The following SMO variants were observed in gnomAD, a reference collection of about 807,000 sequenced individuals.
SMO encodes the protein smoothened, frizzled class receptor, also known as protein smoothened.
A neutral mutation model predicts 81.6 loss-of-function variants in SMO; 40 were observed. The ratio of observed to expected loss-of-function variants is 0.49; its 90% CI spans 0.38 to 0.64. SMO has a LOEUF of 0.64. Among genes scored for constraint, SMO ranks in the 30% least tolerant of loss-of-function variants. The pLI, the probability that SMO is intolerant of heterozygous loss-of-function variation, is 0.00. For missense variants in SMO, 916 were observed against 1,061.1 expected (o/e 0.86, Z 1.90); for synonymous variants, 434 against 432.1 (o/e 1.00, Z -0.05).
chr7:129,200,182 C>T (rs1793647655), intron 1 of SMO, among the ~76,000 whole-genome samples: 1 of 152,146 alleles, frequency 6.6e-6, no homozygotes, highest in Non-Finnish European at 1.5e-5. Context: ...CTTTGGGAGA[C>T]CGAGGCGGGT....
rs2150655579 is a variant in SMO at position 129,211,668 on chromosome 7, G to A, written c.1834G>A (p.Ala612Thr). 6.2e-7 allele frequency: 1 copy of A among 1,613,440 alleles called. No individual in the cohort carries two copies. The highest frequency in any genetic ancestry group is 8.5e-7 in the Non-Finnish European group (1 of 1,180,008). The change falls in exon 11 of 12, where the codon GCT becomes ACT. Residue 612 changes from alanine (A) to threonine (T), a missense_variant. Physicochemically the swap from Ala to Thr is moderately conservative, Grantham distance 58. Coordinates refer to ENST00000249373, the MANE Select transcript of SMO (RefSeq NM_005631.5). The surrounding 1 kb of genome is among the most constrained non-coding windows in gnomAD (Gnocchi z 4.6). ...GLAFDLNEPS[A>T]DVSSAWAQHV... ...GGCCTTTGACCTCAATGAGCCCTCA[G>A]CTGATGTCTCCTCTGCCTGGGCCCA...
At chr7:129,205,130 A>T in intron 2 of SMO, 73 bp from the exon 3 acceptor site, 1 of 1,334,408 alleles carries the variant, frequency 7.5e-7, no homozygotes, top group Non-Finnish European at 1.1e-6. Flanking sequence ...CATGCTACCT[A>T]GATACCTTTC....
rs1426970789 is a variant in SMO, at chr7:129,188,780, G to C, written c.-372G>C. The C allele has an allele frequency of 5.0e-6, 1 of 200,538 alleles. No individual in the cohort carries two copies. Among genetic ancestry groups the C allele is most frequent in the African/African-American group, 2.3e-5 (1 of 43,182 alleles). 12.4% of individuals were successfully genotyped at this position (200,538 alleles called of 1,614,324 possible). A position where few individuals can be genotyped will look rare whatever the true frequency, so the allele number is the denominator to read the frequency against. On this transcript the variant is annotated 5_prime_UTR_variant, in exon 1 of 12. Transcript: ENST00000249373. The surrounding 1 kb of genome is among the most constrained non-coding windows in gnomAD (Gnocchi z 4.9). ...AGCCGGAGCTGCACTCGCACCCCCGGCCCGCGTCTGGCCTCCCTCGCGGGG... is the reference window on the plus strand; with the variant it reads ...AGCCGGAGCTGCACTCGCACCCCCGCCCCGCGTCTGGCCTCCCTCGCGGGG...
In SMO at chr7:129,208,008, T is replaced by C. The variant is rs1439596406; in HGVS notation, c.1265-751T>C. On this transcript the variant is annotated intron_variant, in intron 6 of 11. Transcript: ENST00000249373. This position sits in a 1 kb window ranked among gnomAD's most constrained non-coding sequence, Gnocchi z 5.2. The stretch of plus-strand genomic sequence containing the variant: ...TAGTGGGAAAAAAATGTAAAATATC[T>C]CATTAATAATTTGTTACATGGATTA... Among the ~76,000 whole-genome samples, 4 of 151,510 alleles carry C rather than the reference T, an allele frequency of 2.6e-5. No homozygotes were observed. The highest frequency in any genetic ancestry group is 5.9e-5 in the Non-Finnish European group (4 of 67,880).
In SMO at chr7:129,211,628, T is replaced by C. The variant is rs1232260140; in HGVS notation, c.1802-8T>C. On this transcript the variant is annotated splice_polypyrimidine_tract_variant and splice_region_variant and intron_variant, in intron 10 of 11. Coordinates refer to ENST00000249373, the MANE Select transcript of SMO (RefSeq NM_005631.5). The surrounding 1 kb of genome is among the most constrained non-coding windows in gnomAD (Gnocchi z 4.6). ...TTCCTTCTCCTTTCCTTCCTTCCAT[T>C]CCCACAGCGGGCTTGGCCTTTGACC... The C allele has an allele frequency of 6.2e-7, 1 of 1,612,098 alleles. No individual in the cohort carries two copies. The highest frequency in any genetic ancestry group is 1.7e-5 in the Admixed American group (1 of 59,920).
At chr7:129,209,748 G>T in intron 8 of SMO, 1 of 261,242 alleles carries the variant, frequency 3.8e-6, no homozygotes, top group Non-Finnish European at 7.4e-6. Context: ...TCCTGGCACA[G>T]GACTAGTTAC....
intron 6 of SMO, among the ~76,000 whole-genome samples, chr7:129,207,324 ATCT>A (rs1024665926): frequency 2.0e-5 from 3 of 152,074 alleles, no homozygotes; most frequent in Non-Finnish European, 4.4e-5. Flanking sequence ...CTTGGTTTTC[ATCT>A]TCTTTCTGTC....
At position 129,212,090 on chromosome 7, in the gene SMO, G is replaced by A. The variant is rs749061719; in HGVS notation, c.2003G>A (p.Arg668His). 57 of 1,581,972 alleles carry A rather than the reference G, an allele frequency of 3.6e-5. No homozygotes were observed. The highest frequency in any genetic ancestry group is 4.4e-5 in the Non-Finnish European group (51 of 1,167,876). ...GAGATCTCCCCAGAGCTGCAGAAGC[G>A]CCTGGGCCGGAAGAAGAAGAGGAGG... The part of the protein sequence containing the change: ...EAEISPELQK[R>H]LGRKKKRRKR... The change falls in exon 12 of 12, where the codon CGC (arginine) becomes CAC (histidine). Residue 668 changes from arginine to histidine, a missense_variant. By Grantham distance (29) the Arg-to-His change is conservative. Transcript: ENST00000249373. This position sits in a 1 kb window ranked among gnomAD's most constrained non-coding sequence, Gnocchi z 5.0.
Position 129,212,749 on chromosome 7 carries a change from G to T in SMO, c.*298G>T. 1 of 453,170 alleles carries T rather than the reference G, an allele frequency of 2.2e-6. No individual in the cohort carries two copies. 28.1% of individuals were successfully genotyped at this position (453,170 alleles called of 1,614,324 possible). On this transcript the variant is annotated 3_prime_UTR_variant, in exon 12 of 12. Coordinates refer to ENST00000249373, the MANE Select transcript of SMO (RefSeq NM_005631.5). The surrounding 1 kb of genome is among the most constrained non-coding windows in gnomAD (Gnocchi z 5.0). ...GCTCCATCGGGGCAGGGGGTATGCA[G>T]AGCTTGTGGTGGGGCAGGAACGGTG... is the stretch of plus-strand genomic sequence containing the variant.
rs192336145 is a variant in SMO at position 129,208,533 on chromosome 7, G to A, written c.1265-226G>A. Reference sequence around the variant, plus strand: ...AGCTTTGATCTGCCCCCTTCTTCAGGGGCAGCTGGGCCACGACCGAGGCTC... The same window carrying A: ...AGCTTTGATCTGCCCCCTTCTTCAGAGGCAGCTGGGCCACGACCGAGGCTC... On this transcript the variant is annotated intron_variant, in intron 6 of 11. Coordinates refer to ENST00000249373, the MANE Select transcript of SMO (RefSeq NM_005631.5). The surrounding 1 kb of genome is among the most constrained non-coding windows in gnomAD (Gnocchi z 5.2). Among the ~76,000 whole-genome samples, 88 of 152,126 alleles carry A rather than the reference G, an allele frequency of 5.8e-4. 1 individual carries two copies. The Middle Eastern group carries it at 0.01, about 18-fold the overall frequency.
rs749648986 is a variant in SMO at position 129,211,084 on chromosome 7, T to G, written c.1772T>G (p.Met591Arg). Residue 591 changes from methionine (M) to arginine (R), a missense_variant, in exon 10 of 12, where the codon ATG (methionine) becomes AGG (arginine). Physicochemically the swap from Met to Arg is moderately conservative, Grantham distance 91 (BLOSUM62 -1). Coordinates refer to ENST00000249373, the MANE Select transcript of SMO (RefSeq NM_005631.5). This position sits in a 1 kb window ranked among gnomAD's most constrained non-coding sequence, Gnocchi z 4.6. ...CCAGGCCAGGAGCTGTCCTTCAGCA[T>G]GCACACTGTGTCCCACGACGGGCCC... ...QNPGQELSFSMHTVSHDGPVA... is the reference protein window; with the variant it reads ...QNPGQELSFSRHTVSHDGPVA... 90 of 1,613,038 alleles carry G rather than the reference T, an allele frequency of 5.6e-5. 1 individual carries two copies. Among genetic ancestry groups the G allele is most frequent in the Non-Finnish European group, 7.5e-5 (89 of 1,179,482 alleles).
intron 1 of SMO, among the ~76,000 whole-genome samples, chr7:129,197,697 A>G (rs1359356663): frequency 6.6e-6 from 1 of 152,204 alleles, no homozygotes; most frequent in East Asian, 1.9e-4. Flanking sequence ...CTAGGATTAC[A>G]GGTGTGAGCC....
chr7:129,211,162 A>T lies in SMO; in HGVS notation c.1801+49A>T, dbSNP rs769472104. The T allele has an allele frequency of 6.4e-7, 1 of 1,562,362 alleles. No homozygotes were observed. Among genetic ancestry groups the T allele is most frequent in the Non-Finnish European group, 8.7e-7 (1 of 1,151,560 alleles). On this transcript the variant is annotated intron_variant, in intron 10 of 11. Transcript: ENST00000249373. This position sits in a 1 kb window ranked among gnomAD's most constrained non-coding sequence, Gnocchi z 4.6. ...GGAGCCGCCTGGCCCCGCGCTGCCC[A>T]TGTGCTAGTCTCTCCCAGCCTGCTG...
At position 129,212,016 on chromosome 7, in the gene SMO, C is replaced by T. The variant is rs199828376; in HGVS notation, c.1937-8C>T. 1.9e-6 allele frequency: 3 copies of T among 1,576,798 alleles called. No homozygotes were observed. The highest frequency in any genetic ancestry group is 1.3e-5 in the African/African-American group (1 of 74,430). On this transcript the variant is annotated splice_polypyrimidine_tract_variant and splice_region_variant and intron_variant, in intron 11 of 11. Transcript: ENST00000249373. This position sits in a 1 kb window ranked among gnomAD's most constrained non-coding sequence, Gnocchi z 5.0. ...GCCCCAGGCTCGTGTTGTCTCTCCT[C>T]CTGTCAGTGCCCCCAGAGGAACAAG... is the stretch of plus-strand genomic sequence containing the variant.
chr7:129,189,331 G>C lies in SMO; in HGVS notation c.180G>C (p.Pro60=), dbSNP rs960785231. The part of the protein sequence containing the change: ...RSAAVTGPPP[P]LSHCGRAAPC... Reference sequence around the variant, plus strand: ...CGGCGGTGACTGGCCCTCCGCCGCCGCTGAGCCACTGCGGCCGGGCTGCCC... The same window carrying C: ...CGGCGGTGACTGGCCCTCCGCCGCCCCTGAGCCACTGCGGCCGGGCTGCCC... Residue 60 remains proline (P), a synonymous_variant, in exon 1 of 12, where the codon CCG becomes CCC. Transcript: ENST00000249373. This position sits in a 1 kb window ranked among gnomAD's most constrained non-coding sequence, Gnocchi z 4.7. 6.6e-7 allele frequency: 1 copy of C among 1,512,206 alleles called. No individual in the cohort carries two copies. Among genetic ancestry groups the C allele is most frequent in the Non-Finnish European group, 8.8e-7 (1 of 1,137,260 alleles). The allele number at this position is 1,512,206 out of a possible 1,614,324, so 93.7% of individuals were successfully genotyped here.
rs536992200 is a variant in SMO, at chr7:129,194,844, G to A, written c.331+5362G>A. Among the ~76,000 whole-genome samples, 141 of 152,058 alleles carry A rather than the reference G, an allele frequency of 9.3e-4. 1 individual carries two copies. The highest frequency in any genetic ancestry group is 2.1e-3 in the Admixed American group (32 of 15,276). On this transcript the variant is annotated intron_variant, in intron 1 of 11. Coordinates refer to ENST00000249373, the MANE Select transcript of SMO (RefSeq NM_005631.5). ...GTCACCTAGGCTAGAGTGCAGTGGC[G>A]CGATCTCGGCTCACTACACCTCCAC...
rs1189276452 is a variant in SMO at position 129,189,357 on chromosome 7, C to T, written c.206C>T (p.Pro69Leu). ...PPLSHCGRAA[P>L]CEPLRYNVCL... ...CTGAGCCACTGCGGCCGGGCTGCCCCCTGCGAGCCGCTGCGCTACAACGTG... is the reference window on the plus strand; with the variant it reads ...CTGAGCCACTGCGGCCGGGCTGCCCTCTGCGAGCCGCTGCGCTACAACGTG... The change falls in exon 1 of 12, where the codon CCC (proline) becomes CTC (leucine). Residue 69 changes from proline (P) to leucine (L), a missense_variant. Physicochemically the swap from Pro to Leu is moderately conservative, Grantham distance 98 (BLOSUM62 -3). This residue lies in a region of SMO where 146 missense variants were observed against 149.9 expected (regional missense o/e 0.97). Transcript: ENST00000249373. This position sits in a 1 kb window ranked among gnomAD's most constrained non-coding sequence, Gnocchi z 4.7. The T allele has an allele frequency of 2.0e-6, 3 of 1,529,426 alleles. No individual in the cohort carries two copies. Among genetic ancestry groups the T allele is most frequent in the South Asian group, 2.4e-5 (2 of 83,756 alleles). 94.7% of individuals were successfully genotyped at this position (1,529,426 alleles called of 1,614,324 possible).
chr7:129,212,190 T>G lies in SMO; in HGVS notation c.2103T>G (p.Ile701Met), dbSNP rs2150656700. The change falls in exon 12 of 12, where the codon ATT becomes ATG. Residue 701 changes from isoleucine (I) to methionine (M), a missense_variant. Coordinates refer to ENST00000249373, the MANE Select transcript of SMO (RefSeq NM_005631.5). The surrounding 1 kb of genome is among the most constrained non-coding windows in gnomAD (Gnocchi z 5.0). ...CCCCTGCCCCTGCCCCCAGTACCATTCCTCGACTGCCTCAGCTGCCCCGGC... is the reference window on the plus strand; with the variant it reads ...CCCCTGCCCCTGCCCCCAGTACCATGCCTCGACTGCCTCAGCTGCCCCGGC... ...LHPPAPAPST[I>M]PRLPQLPRQK... The G allele has an allele frequency of 6.4e-7, 1 of 1,559,288 alleles. No individual in the cohort carries two copies. Among genetic ancestry groups the G allele is most frequent in the Non-Finnish European group, 8.7e-7 (1 of 1,151,396 alleles).
rs1175773001 is a variant in SMO at position 129,210,314 on chromosome 7, G to A, written c.1467-49G>A. On this transcript the variant is annotated intron_variant, in intron 8 of 11. Transcript: ENST00000249373. The surrounding 1 kb of genome is among the most constrained non-coding windows in gnomAD (Gnocchi z 4.7). The stretch of plus-strand genomic sequence containing the variant: ...AGCAAGATCCTATCTCAAAAAAAGA[G>A]AGAGGAAAAGAAAGGAAAGCCTCAC... The A allele has an allele frequency of 1.3e-6, 2 of 1,490,416 alleles. No individual in the cohort carries two copies. Among genetic ancestry groups the A allele is most frequent in the Non-Finnish European group, 1.9e-6 (2 of 1,069,774 alleles). The allele number at this position is 1,490,416 out of a possible 1,614,324, so 92.3% of individuals were successfully genotyped here. A position where few individuals can be genotyped will look rare whatever the true frequency, so the allele number is the denominator to read the frequency against.
Sources: gnomAD v4.1 joint callset for allele counts (sites outside exome capture counted in the v4.1 genomes callset) on GRCh38, gnomAD v4.1.1 for gene constraint, gnomAD v4.1.1 regional missense constraint, Gnocchi (gnomAD v3.1) non-coding constraint, MANE v1.5 for transcripts, NCBI Gene and HGNC (gene_info 2026-07-23, HGNC 2026-07-21) for gene names.